SMIM29: variants seen among roughly 807,000 people sequenced by gnomAD.
SMIM29 encodes small integral membrane protein 29.
In SMIM29, 4 loss-of-function variants were observed where a neutral mutation model predicts 12.9. That is an observed-to-expected ratio of 0.31 (90% CI 0.15 to 0.71). SMIM29 has a LOEUF of 0.71. Ranked by LOEUF, SMIM29 falls within the 30% of genes least tolerant of loss-of-function variation. The pLI is 0.70. For synonymous variants in SMIM29, 50 were observed against 52.0 expected (o/e 0.96, Z 0.17); for missense variants, 122 against 138.1 (o/e 0.88, Z 0.58).
rs754091588 is a variant in SMIM29 at position 34,247,139 on chromosome 6, G to T, written c.148C>A (p.Leu50Met). The T allele has an allele frequency of 1.5e-4, 242 of 1,613,986 alleles. No homozygotes were observed. Among genetic ancestry groups the T allele is most frequent in the Non-Finnish European group, 1.7e-4 (202 of 1,180,032 alleles). ...YVQKKKRVDR[L>M]RHHLLPMYSY... ...TACATGGGGAGCAGGTGATGGCGCA[G>T]CCGGTCCACCCTGGGGAGCAGGGGA... The change falls in exon 4 of 5, where the codon CTG becomes ATG. Residue 50 changes from leucine (L) to methionine (M), a missense_variant. Leu to Met is a conservative substitution (Grantham distance 15, BLOSUM62 2). Transcript: ENST00000476320.
chr6:34,246,402 A>G lies in SMIM29; in HGVS notation c.*401T>C. On this transcript the variant is annotated 3_prime_UTR_variant, in exon 5 of 5. Transcript: ENST00000476320. ...TGATGAAATCAAAACCCCTAGCCAC[A>G]AAACATTTTATTTACAAAATATATA... 7.9e-7 allele frequency: 1 copy of G among 1,259,602 alleles called. No homozygotes were observed. Among genetic ancestry groups the G allele is most frequent in the Non-Finnish European group, 1.0e-6 (1 of 954,732 alleles). The allele number at this position is 1,259,602 out of a possible 1,614,324, so 78.0% of individuals were successfully genotyped here.
chr6:34,246,432 A>G lies in SMIM29; in HGVS notation c.*371T>C, dbSNP rs1311961725. ...ATTTTATTTACAAAATATATACTGAATACTATACATCTGGCCCCATCACCA... is the reference window on the plus strand; with the variant it reads ...ATTTTATTTACAAAATATATACTGAGTACTATACATCTGGCCCCATCACCA... On this transcript the variant is annotated 3_prime_UTR_variant, in exon 5 of 5. Coordinates refer to ENST00000476320, the MANE Select transcript of SMIM29 (RefSeq NM_001008703.4). 3 of 1,411,438 alleles carry G rather than the reference A, an allele frequency of 2.1e-6. No individual in the cohort carries two copies. The highest frequency in any genetic ancestry group is 2.9e-5 in the African/African-American group (2 of 69,560). 87.4% of individuals were successfully genotyped at this position (1,411,438 alleles called of 1,614,324 possible). A position where few individuals can be genotyped will look rare whatever the true frequency, so the allele number is the denominator to read the frequency against.
chr6:34,247,118 T>G lies in SMIM29; in HGVS notation c.169A>C (p.Met57Leu). ...TCCTCAGCTGGGTCATAGCTGTACA[T>G]GGGGAGCAGGTGATGGCGCAGCCGG... ...VDRLRHHLLPMYSYDPAEELH... is the reference protein window; with the variant it reads ...VDRLRHHLLPLYSYDPAEELH... The change falls in exon 4 of 5, where the codon ATG (methionine) becomes CTG (leucine). Residue 57 changes from methionine to leucine, a missense_variant. Met to Leu is a conservative substitution (Grantham distance 15). Transcript: ENST00000476320. The G allele has an allele frequency of 6.2e-7, 1 of 1,614,024 alleles. No individual in the cohort carries two copies. The highest frequency in any genetic ancestry group is 8.5e-7 in the Non-Finnish European group (1 of 1,179,990).
At position 34,247,089 on chromosome 6, in the gene SMIM29, C is replaced by G. The variant is rs776237237; in HGVS notation, c.198G>C (p.Leu66=). Residue 66 remains leucine, a synonymous_variant, in exon 4 of 5, where the codon CTG becomes CTC. Transcript: ENST00000476320. The part of the protein sequence containing the change: ...PMYSYDPAEE[L]HEAEQELLSD... ...AGAGCAGCTCCTGCTCAGCCTCATG[C>G]AGTTCCTCAGCTGGGTCATAGCTGT... 7.4e-6 allele frequency: 12 copies of G among 1,614,146 alleles called. No individual in the cohort carries two copies. Among genetic ancestry groups the G allele is most frequent in the South Asian group, 4.4e-5 (4 of 91,088 alleles).
chr6:34,246,476 C>T lies in SMIM29; in HGVS notation c.*327G>A. ...ATCACCATGGAAACAACTCCAAAGC[C>T]TGCCTGGGGATTTGTGCCCAAGCCC... On this transcript the variant is annotated 3_prime_UTR_variant, in exon 5 of 5. Coordinates refer to ENST00000476320, the MANE Select transcript of SMIM29 (RefSeq NM_001008703.4). 6.6e-7 allele frequency: 1 copy of T among 1,516,950 alleles called. No homozygotes were observed. The allele number at this position is 1,516,950 out of a possible 1,614,324, so 94.0% of individuals were successfully genotyped here. A position where few individuals can be genotyped will look rare whatever the true frequency, so the allele number is the denominator to read the frequency against.
rs1476095022 is a variant in SMIM29, at chr6:34,247,129, T to C, written c.158A>G (p.His53Arg). 3.1e-6 allele frequency: 5 copies of C among 1,613,866 alleles called. No individual in the cohort carries two copies. In the East Asian group the frequency reaches 6.7e-5, roughly 22 times the overall value. ...GTCATAGCTGTACATGGGGAGCAGG[T>C]GATGGCGCAGCCGGTCCACCCTGGG... ...KKKRVDRLRH[H>R]LLPMYSYDPA... Residue 53 changes from histidine (H) to arginine (R), a missense_variant, in exon 4 of 5, where the codon CAC (histidine) becomes CGC (arginine). Transcript: ENST00000476320.
At chr6:34,247,266 A>G (rs1449735213) in intron 3 of SMIM29, 117 bp from the exon 4 acceptor site, 60 of 1,573,350 alleles carry the variant, frequency 3.8e-5, no homozygotes, top group Non-Finnish European at 4.8e-5. Context: ...GCCTTTTGGG[A>G]CACACTATAC....
chr6:34,246,440 C>T lies in SMIM29; in HGVS notation c.*363G>A, dbSNP rs1030295532. On this transcript the variant is annotated 3_prime_UTR_variant, in exon 5 of 5. Transcript: ENST00000476320. ...TACAAAATATATACTGAATACTATA[C>T]ATCTGGCCCCATCACCATGGAAACA... 5 of 1,447,810 alleles carry T rather than the reference C, an allele frequency of 3.5e-6. No individual in the cohort carries two copies. The highest frequency in any genetic ancestry group is 4.6e-6 in the Non-Finnish European group (5 of 1,076,664). The allele number at this position is 1,447,810 out of a possible 1,614,324, so 89.7% of individuals were successfully genotyped here.
Position 34,247,872 on chromosome 6 carries a change from G to T in SMIM29, c.-73-8C>A, listed in dbSNP as rs1224272097. The T allele has an allele frequency of 2.4e-5, 30 of 1,259,088 alleles. No individual in the cohort carries two copies. Among genetic ancestry groups the T allele is most frequent in the Admixed American group, 1.6e-4 (4 of 25,086 alleles). 78.0% of individuals were successfully genotyped at this position (1,259,088 alleles called of 1,614,324 possible). On this transcript the variant is annotated splice_region_variant and splice_polypyrimidine_tract_variant and intron_variant, in intron 1 of 4. Coordinates refer to ENST00000476320, the MANE Select transcript of SMIM29 (RefSeq NM_001008703.4). ...GCGCCTCCACTGGGCTCCCTGGGAA[G>T]GAGGAAGGGAGGTTATCAGTTGCAC...
At position 34,247,805 on chromosome 6, in the gene SMIM29, G is replaced by GCC; in HGVS notation, c.-15_-14insGG. 7.8e-7 allele frequency: 1 copy of GCC among 1,288,148 alleles called. No individual in the cohort carries two copies. Among genetic ancestry groups the GCC allele is most frequent in the Non-Finnish European group, 9.8e-7 (1 of 1,021,988 alleles). The allele number at this position is 1,288,148 out of a possible 1,614,324, so 79.8% of individuals were successfully genotyped here. A position where few individuals can be genotyped will look rare whatever the true frequency, so the allele number is the denominator to read the frequency against. Reference sequence around the variant, plus strand: ...GGTGTTACTCATGACATCAGCAGCCGGAGGGCTGGGTGGTCAGCATGGGCA... The same window carrying GCC: ...GGTGTTACTCATGACATCAGCAGCCGCCGAGGGCTGGGTGGTCAGCATGGGCA... On this transcript the variant is annotated 5_prime_UTR_variant, in exon 2 of 5. It removes the in-frame stop codon of an upstream open reading frame in the 5' UTR. Transcript: ENST00000476320.
chr6:34,247,860 G>A lies in SMIM29; in HGVS notation c.-69C>T. Reference sequence around the variant, plus strand: ...CGCTTCGGGAGGGCGCCTCCACTGGGCTCCCTGGGAAGGAGGAAGGGAGGT... The same window carrying A: ...CGCTTCGGGAGGGCGCCTCCACTGGACTCCCTGGGAAGGAGGAAGGGAGGT... On this transcript the variant is annotated 5_prime_UTR_variant, in exon 2 of 5. Coordinates refer to ENST00000476320, the MANE Select transcript of SMIM29 (RefSeq NM_001008703.4). 3 of 1,262,726 alleles carry A rather than the reference G, an allele frequency of 2.4e-6. No homozygotes were observed. Among genetic ancestry groups the A allele is most frequent in the Non-Finnish European group, 3.0e-6 (3 of 1,007,138 alleles). 78.2% of individuals were successfully genotyped at this position (1,262,726 alleles called of 1,614,324 possible). A position where few individuals can be genotyped will look rare whatever the true frequency, so the allele number is the denominator to read the frequency against.
At chr6:34,247,298 T>C (rs1222198584) in intron 3 of SMIM29, 149 bp from the exon 4 acceptor site, 1 of 1,546,694 alleles carries the variant, frequency 6.5e-7, no homozygotes, top group African/African-American at 1.4e-5. Flanking sequence ...CAACCCTGAT[T>C]CTACAAAGGG....
At chr6:34,247,607 A>G in intron 2 of SMIM29, 74 bp downstream of exon 2, 1 of 1,467,374 alleles carries the variant, frequency 6.8e-7, no homozygotes, top group Non-Finnish European at 9.0e-7. Flanking sequence ...GACTCTGTGC[A>G]GACTGGACCA....
At position 34,247,484 on chromosome 6, in the gene SMIM29, A is replaced by G. The variant is rs769392164; in HGVS notation, c.120T>C (p.Tyr40=). ...ACACTCACCGCTTTTTCTTCTGTAC[A>G]TACATTACCTGCAACAGAGACACAG... ...LVGVVVAVVM[Y]VQKKKRVDRL... Residue 40 remains tyrosine, a synonymous_variant, in exon 3 of 5, where the codon TAT becomes TAC. Coordinates refer to ENST00000476320, the MANE Select transcript of SMIM29 (RefSeq NM_001008703.4). The G allele has an allele frequency of 3.8e-6, 6 of 1,578,774 alleles. No homozygotes were observed. The highest frequency in any genetic ancestry group is 1.8e-5 in the Admixed American group (1 of 54,642).
Position 34,246,400 on chromosome 6 carries a change from A to G in SMIM29, c.*403T>C, listed in dbSNP as rs561091612. On this transcript the variant is annotated 3_prime_UTR_variant, in exon 5 of 5. Transcript: ENST00000476320. ...CTTGATGAAATCAAAACCCCTAGCC[A>G]CAAAACATTTTATTTACAAAATATA... 8.1e-7 allele frequency: 1 copy of G among 1,242,020 alleles called. No individual in the cohort carries two copies. The highest frequency in any genetic ancestry group is 3.2e-5 in the Admixed American group (1 of 31,272). 76.9% of individuals were successfully genotyped at this position (1,242,020 alleles called of 1,614,324 possible). A position where few individuals can be genotyped will look rare whatever the true frequency, so the allele number is the denominator to read the frequency against.
chr6:34,247,354 T>C, intron 3 of SMIM29, 113 bp downstream of exon 3: 2 of 1,522,258 alleles, frequency 1.3e-6, no homozygotes, highest in South Asian at 1.2e-5. Context: ...GAAAACAAAT[T>C]TCAGGCTTGT....
In SMIM29 at chr6:34,246,656, G is replaced by C; in HGVS notation, c.*147C>G. 1 of 1,614,018 alleles carries C rather than the reference G, an allele frequency of 6.2e-7. No individual in the cohort carries two copies. ...CAGTGAGGTGATGGTGAGGGCATGGGAAGCAGATGCTGCTGAGGGTGGGTG... is the reference window on the plus strand; with the variant it reads ...CAGTGAGGTGATGGTGAGGGCATGGCAAGCAGATGCTGCTGAGGGTGGGTG... On this transcript the variant is annotated 3_prime_UTR_variant, in exon 5 of 5. Transcript: ENST00000476320.
In SMIM29 at chr6:34,246,847, C is replaced by G. The variant is rs1762801524; in HGVS notation, c.265G>C (p.Gly89Arg). The G allele has an allele frequency of 6.2e-7, 1 of 1,610,616 alleles. No homozygotes were observed. The highest frequency in any genetic ancestry group is 8.5e-7 in the Non-Finnish European group (1 of 1,178,398). The change falls in exon 5 of 5, where the codon GGC becomes CGC. Residue 89 changes from glycine (G) to arginine (R), a missense_variant. Physicochemically the swap from Gly to Arg is moderately radical, Grantham distance 125 (BLOSUM62 -2). Coordinates refer to ENST00000476320, the MANE Select transcript of SMIM29 (RefSeq NM_001008703.4). The stretch of plus-strand genomic sequence containing the variant: ...AGTGGCATCCGCTTGTGCTGGTAGC[C>G]ACTCTGCCAGCCATGTACCACCTGT... The part of the protein sequence containing the change: ...DPKVVHGWQS[G>R]YQHKRMPLLD...
rs1303162096 is a variant in SMIM29 at position 34,246,877 on chromosome 6, G to C, written c.244-9C>G. On this transcript the variant is annotated splice_polypyrimidine_tract_variant and intron_variant, in intron 4 of 4. Transcript: ENST00000476320. ...TGCCAGCCATGTACCACCTGTCGGG[G>C]AGGAGACCACACCACAAGGCTGGGC... The C allele has an allele frequency of 6.2e-7, 1 of 1,604,116 alleles. No individual in the cohort carries two copies. Among genetic ancestry groups the C allele is most frequent in the Non-Finnish European group, 8.5e-7 (1 of 1,173,888 alleles).
Sources: gnomAD v4.1 joint callset for allele counts on GRCh38, gnomAD v4.1.1 for gene constraint, MANE v1.5 for transcripts, NCBI Gene and HGNC (gene_info 2026-07-23, HGNC 2026-07-21) for gene names.